The following TASOR variants were observed in gnomAD, a reference collection of about 807,000 sequenced individuals.
TASOR encodes transcription activation suppressor, also known as protein TASOR.
A neutral mutation model predicts 178.6 loss-of-function variants in TASOR; 53 were observed. The ratio of observed to expected loss-of-function variants is 0.30; its 90% CI spans 0.24 to 0.37. TASOR has a LOEUF of 0.37. TASOR is among the 10% of genes least tolerant of loss of function. The pLI is 1.00. For missense variants in TASOR, 1,815 were observed against 1,971.4 expected (o/e 0.92, Z 1.50); for synonymous variants, 713 against 696.2 (o/e 1.02, Z -0.38).
At position 56,622,961 on chromosome 3, in the gene TASOR, T is replaced by C; in HGVS notation, c.*76A>G. The C allele has an allele frequency of 9.9e-7, 1 of 1,007,256 alleles. No homozygotes were observed. The highest frequency in any genetic ancestry group is 1.4e-6 in the Non-Finnish European group (1 of 711,108). The allele number at this position is 1,007,256 out of a possible 1,614,324, so 62.4% of individuals were successfully genotyped here. ...AAACATTTGAGAAAGAACAAGAACC[T>C]TTTGTTTAGAGAATGAAATATAAAT... On this transcript the variant is annotated 3_prime_UTR_variant, in exon 24 of 24. Coordinates refer to ENST00000683822, the MANE Select transcript of TASOR (RefSeq NM_001365635.2).
chr3:56,624,775 TTTCA>T, intron 22 of TASOR, 49 bp downstream of exon 22: 1 of 1,581,936 alleles, frequency 6.3e-7, no homozygotes, highest in South Asian at 1.2e-5. Context: ...CATAAAATCC[TTTCA>T]TTCACATTCC....
At chr3:56,672,496 G>A (rs900495453) in intron 2 of TASOR, among the ~76,000 whole-genome samples, 2 of 152,084 alleles carry the variant, frequency 1.3e-5, no homozygotes, top group Admixed American at 6.6e-5. Flanking sequence ...CAGGTCCATC[G>A]GAAATCATTA....
At chr3:56,653,342 A>G (rs1386789807) in intron 11 of TASOR, among the ~76,000 whole-genome samples, 1 of 149,900 alleles carries the variant, frequency 6.7e-6, no homozygotes, top group Non-Finnish European at 1.5e-5. Flanking sequence ...GAGATAACTA[A>G]TTTTCCAGAA....
Position 56,624,658 on chromosome 3 carries a change from A to G in TASOR, c.4319-15T>C. On this transcript the variant is annotated splice_polypyrimidine_tract_variant and intron_variant, in intron 22 of 23. Coordinates refer to ENST00000683822, the MANE Select transcript of TASOR (RefSeq NM_001365635.2). ...GATGTTCTTCTCTAAATTAAGAAAAAAAGTTTCATGTATGAAACACTTCAA... is the reference window on the plus strand; with the variant it reads ...GATGTTCTTCTCTAAATTAAGAAAAGAAGTTTCATGTATGAAACACTTCAA... 1 of 1,604,260 alleles carries G rather than the reference A, an allele frequency of 6.2e-7. No individual in the cohort carries two copies. Among genetic ancestry groups the G allele is most frequent in the Non-Finnish European group, 8.5e-7 (1 of 1,176,184 alleles).
rs1193453707 is a variant in TASOR, at chr3:56,638,713, T to C, written c.2817A>G (p.Gln939=). 21 of 1,614,114 alleles carry C rather than the reference T, an allele frequency of 1.3e-5. No homozygotes were observed. The highest frequency in any genetic ancestry group is 1.7e-5 in the Non-Finnish European group (20 of 1,179,992). ...EDQLGKHGEK[Q]TPGMKSPEEQ... is the part of the protein sequence containing the mutation. ...CAAAGCAAGCCTTCTCACCTGGTGTTTGTTTCTCACCATGTTTCCCCAGCT... is the reference window on the plus strand; with the variant it reads ...CAAAGCAAGCCTTCTCACCTGGTGTCTGTTTCTCACCATGTTTCCCCAGCT... The change falls in exon 17 of 24, where the codon CAA becomes CAG. Residue 939 remains glutamine, a synonymous_variant. Transcript: ENST00000683822.
At chr3:56,649,394 A>G (rs2077302877) in intron 11 of TASOR, among the ~76,000 whole-genome samples, 1 of 152,244 alleles carries the variant, frequency 6.6e-6, no homozygotes, top group African/African-American at 2.4e-5. Flanking sequence ...AGACATGTTT[A>G]TTAATGGCCA....
chr3:56,641,457 C>T lies in TASOR; in HGVS notation c.2511G>A (p.Gln837=). 6.2e-7 allele frequency: 1 copy of T among 1,613,358 alleles called. No homozygotes were observed. Among genetic ancestry groups the T allele is most frequent in the Non-Finnish European group, 8.5e-7 (1 of 1,179,308 alleles). The change falls in exon 15 of 24, where the codon CAG becomes CAA. Residue 837 remains glutamine (Q), a synonymous_variant. Coordinates refer to ENST00000683822, the MANE Select transcript of TASOR (RefSeq NM_001365635.2). ...QPTCAKVENA[Q]FKGTQSLLLE... ...GTAATAAGCTCTGAGTACCCTTAAACTGTGCATTTTCAACTTTTGCACAAG... is the reference window on the plus strand; with the variant it reads ...GTAATAAGCTCTGAGTACCCTTAAATTGTGCATTTTCAACTTTTGCACAAG...
At chr3:56,641,889 T>C in intron 14 of TASOR, 137 bp from the exon 15 acceptor site, 1 of 800,308 alleles carries the variant, frequency 1.2e-6, no homozygotes, top group Non-Finnish European at 1.9e-6. Context: ...TTTACAAATA[T>C]TCGCATCACT....
In TASOR at chr3:56,633,068, CTCT is replaced by C. The variant is rs763928200; in HGVS notation, c.3720_3722del (p.Glu1241del). On this transcript the variant is annotated inframe_deletion, in exon 18 of 24. Transcript: ENST00000683822. ...CCTTTATTTCTTTACAGAGCACACT[CTCT>C]TCTTCTTCATGAATATAAAATTTCA... 44 of 1,601,640 alleles carry C rather than the reference CTCT, an allele frequency of 2.7e-5. No homozygotes were observed. The highest frequency in any genetic ancestry group is 3.5e-5 in the Non-Finnish European group (41 of 1,175,758).
chr3:56,629,383 C>T (rs534405717), intron 18 of TASOR, among the ~76,000 whole-genome samples: 3 of 152,146 alleles, frequency 2.0e-5, no homozygotes, highest in Non-Finnish European at 4.4e-5. Flanking sequence ...CCTTTCCATT[C>T]TAAGTAGGCC....
At chr3:56,639,945 G>C (rs867035769) in intron 16 of TASOR, 41 bp downstream of exon 16, 2 of 1,564,998 alleles carry the variant, frequency 1.3e-6, no homozygotes, top group Middle Eastern at 2.1e-4. Context: ...TGGTCTCTAA[G>C]TAAAATGAAG....
At chr3:56,647,278 A>C in intron 13 of TASOR, 55 bp from the exon 14 acceptor site, 1 of 1,345,034 alleles carries the variant, frequency 7.4e-7, no homozygotes, top group South Asian at 1.5e-5. Context: ...TCAAGAAACT[A>C]ATCAAATACA....
At position 56,621,704 on chromosome 3, in the gene TASOR, GCCTAGATTTA is replaced by G. The variant is rs1224750467; in HGVS notation, c.*1323_*1332del. The G allele has an allele frequency of 1.8e-5, 16 of 872,296 alleles. No individual in the cohort carries two copies. The highest frequency in any genetic ancestry group is 2.3e-5 in the Non-Finnish European group (13 of 568,000). 54.0% of individuals were successfully genotyped at this position (872,296 alleles called of 1,614,324 possible). ...CTGGCTCAACTGTATTTTTCAAATA[GCCTAGATTTA>G]CTTATTTTTTTAAATGCTCATTAAA... On this transcript the variant is annotated 3_prime_UTR_variant, in exon 24 of 24. Coordinates refer to ENST00000683822, the MANE Select transcript of TASOR (RefSeq NM_001365635.2).
chr3:56,679,864 T>G (rs1159704503), intron 1 of TASOR, among the ~76,000 whole-genome samples: 1 of 152,198 alleles, frequency 6.6e-6, no homozygotes, highest in Admixed American at 6.5e-5. Flanking sequence ...TGGTTAAATG[T>G]AAGAATCATG....
At chr3:56,655,269 TCC>T (rs2077445915) in intron 11 of TASOR, among the ~76,000 whole-genome samples, 1 of 152,112 alleles carries the variant, frequency 6.6e-6, no homozygotes. Context: ...TTAGTACAGA[TCC>T]TAGACTGCAC....
In TASOR at chr3:56,633,837, A is replaced by C; in HGVS notation, c.2954T>G (p.Leu985Arg). Residue 985 changes from leucine to arginine, a missense_variant, in exon 18 of 24, where the codon CTA becomes CGA. Transcript: ENST00000683822. ...QFPSSPFTDT[L>R]KGTTEDDVLT... The stretch of plus-strand genomic sequence containing the variant: ...CACGTCATCCTCAGTGGTGCCCTTT[A>C]GTGTGTCTGTAAATGGAGAGGATGG... 5 of 1,613,890 alleles carry C rather than the reference A, an allele frequency of 3.1e-6. No individual in the cohort carries two copies. The highest frequency in any genetic ancestry group is 4.2e-6 in the Non-Finnish European group (5 of 1,179,962).
chr3:56,661,923 G>A (rs1015106698), intron 9 of TASOR, among the ~76,000 whole-genome samples: 5 of 151,930 alleles, frequency 3.3e-5, no homozygotes, highest in African/African-American at 7.3e-5. Context: ...TCAGGAGTTC[G>A]AGACCAGACT....
intron 17 of TASOR, 24 bp downstream of exon 17, chr3:56,638,682 G>T: frequency 6.2e-7 from 1 of 1,613,756 alleles, no homozygotes; most frequent in Non-Finnish European, 8.5e-7. Context: ...ACACTGGGAA[G>T]AAAAGCAAAG....
chr3:56,650,305 CATT>C (rs2077324025), intron 11 of TASOR, among the ~76,000 whole-genome samples: 3 of 152,144 alleles, frequency 2.0e-5, no homozygotes, highest in Admixed American at 2.0e-4. Flanking sequence ...TTAATAAAAA[CATT>C]GTTTGCACAC....
Sources: allele counts gnomAD v4.1 joint callset (sites outside exome capture counted in the v4.1 genomes callset), GRCh38; gene constraint gnomAD v4.1.1; transcripts MANE v1.5; gene names NCBI Gene and HGNC (gene_info 2026-07-23, HGNC 2026-07-21).